EPHA7: variants seen among roughly 807,000 people sequenced by gnomAD.
The protein encoded by EPHA7 is EPH receptor A7.
A neutral mutation model predicts 112.6 loss-of-function variants in EPHA7; 25 were observed. The observed-to-expected ratio is 0.22, with a 90% CI of 0.16 to 0.31. The LOEUF is 0.31. Ranked by LOEUF, EPHA7 falls within the 10% of genes least tolerant of loss-of-function variation. EPHA7 has a pLI of 1.00. For missense variants in EPHA7, 962 were observed against 1,212.6 expected, an observed-to-expected ratio of 0.79 and a Z score of 3.07; for synonymous variants, 437 against 406.5, an observed-to-expected ratio of 1.07 and a Z score of -0.90.
Position 93,254,791 on chromosome 6 carries a change from T to C in EPHA7, c.2388A>G (p.Gly796=). The part of the protein sequence containing the change: ...DPEAVYTTTG[G]KIPVRWTAPE... ...GTGCTGTCCACCTTACTGGAATTTT[T>C]CCACCCTGTTATAAAAAGAAATGAA... is the stretch of plus-strand genomic sequence containing the variant. The change falls in exon 14 of 17, where the codon GGA becomes GGG. Residue 796 remains glycine, a synonymous_variant. Transcript: ENST00000369303. 6.2e-7 allele frequency: 1 copy of C among 1,610,554 alleles called. No homozygotes were observed. The highest frequency in any genetic ancestry group is 1.3e-5 in the African/African-American group (1 of 74,904).
At chr6:93,295,691 T>C (rs867761168) in intron 5 of EPHA7, among the ~76,000 whole-genome samples, 10 of 151,844 alleles carry the variant, frequency 6.6e-5, no homozygotes, top group Non-Finnish European at 1.3e-4. Flanking sequence ...TTATTTATTT[T>C]CCCTACATAA....
At chr6:93,285,739 T>C (rs554847890) in intron 5 of EPHA7, among the ~76,000 whole-genome samples, 21 of 152,296 alleles carry the variant, frequency 1.4e-4, no homozygotes, top group Non-Finnish European at 1.8e-4. Context: ...TTGCCACATA[T>C]GAAGTTCCGG....
At chr6:93,366,480 T>C (rs1776516363) in intron 3 of EPHA7, among the ~76,000 whole-genome samples, 1 of 152,242 alleles carries the variant, frequency 6.6e-6, no homozygotes, top group African/African-American at 2.4e-5. Context: ...ATTGTTTTAA[T>C]TGAAATGCTG....
chr6:93,283,408 C>T (rs1771874615), intron 5 of EPHA7, among the ~76,000 whole-genome samples: 2 of 152,092 alleles, frequency 1.3e-5, no homozygotes, highest in Admixed American at 1.3e-4. Context: ...TGGCAATCCT[C>T]TCAGGTCCCC....
At chr6:93,278,123 G>A (rs1438664073) in intron 5 of EPHA7, among the ~76,000 whole-genome samples, 1 of 151,916 alleles carries the variant, frequency 6.6e-6, no homozygotes, top group African/African-American at 2.4e-5. Flanking sequence ...GAAACCAATT[G>A]TTTGGACATT....
intron 3 of EPHA7, among the ~76,000 whole-genome samples, chr6:93,408,992 T>G (rs1272202978): frequency 6.6e-6 from 1 of 151,286 alleles, no homozygotes; most frequent in Non-Finnish European, 1.5e-5. Context: ...TTTTTTTTCT[T>G]GCAGTACAGC....
chr6:93,398,349 C>T (rs1778278893), intron 3 of EPHA7, among the ~76,000 whole-genome samples: 1 of 151,834 alleles, frequency 6.6e-6, no homozygotes, highest in Non-Finnish European at 1.5e-5. Flanking sequence ...TACAAGTCAC[C>T]GTCCAAATGT....
intron 5 of EPHA7, among the ~76,000 whole-genome samples, chr6:93,293,120 G>T (rs1387251573): frequency 6.6e-6 from 1 of 151,512 alleles, no homozygotes; most frequent in Non-Finnish European, 1.5e-5. Flanking sequence ...ACACATTTAA[G>T]AATTAGATTA....
At chr6:93,330,103 T>C (rs1203630670) in intron 5 of EPHA7, among the ~76,000 whole-genome samples, 1 of 151,344 alleles carries the variant, frequency 6.6e-6, no homozygotes, top group Non-Finnish European at 1.5e-5. Context: ...AGCAATTAAA[T>C]TGTTTTCAAA....
intron 5 of EPHA7, among the ~76,000 whole-genome samples, chr6:93,310,399 G>T (rs1218489571): frequency 6.6e-6 from 1 of 152,186 alleles, no homozygotes; most frequent in African/African-American, 2.4e-5. Context: ...GGGTGCGGTG[G>T]CTCACGCCTG....
At position 93,391,798 on chromosome 6, in the gene EPHA7, A is replaced by G. The variant is rs1446740336; in HGVS notation, c.832+18703T>C. Reference sequence around the variant, plus strand: ...ACAGGCAACAGAAAAAAAATACTCCACTTTCTAACCTATTGCTTCCGAATT... The same window carrying G: ...ACAGGCAACAGAAAAAAAATACTCCGCTTTCTAACCTATTGCTTCCGAATT... On this transcript the variant is annotated intron_variant, in intron 3 of 16. Coordinates refer to ENST00000369303, the MANE Select transcript of EPHA7 (RefSeq NM_004440.4). Among the ~76,000 whole-genome samples, 5 of 151,684 alleles carry G rather than the reference A, an allele frequency of 3.3e-5. No individual in the cohort carries two copies. The South Asian group carries it at 8.3e-4, about 25-fold the overall frequency.
chr6:93,402,600 G>A (rs1402180777), intron 3 of EPHA7, among the ~76,000 whole-genome samples: 3 of 151,980 alleles, frequency 2.0e-5, no homozygotes, highest in African/African-American at 7.2e-5. Context: ...GGTAATATGT[G>A]TAGGTATAAC....
chr6:93,353,038 C>CA (rs1775774124), intron 5 of EPHA7, among the ~76,000 whole-genome samples: 1 of 151,998 alleles, frequency 6.6e-6, no homozygotes, highest in South Asian at 2.1e-4. Flanking sequence ...ATTCCCATGA[C>CA]ACAAGTTTGC....
intron 13 of EPHA7, 143 bp downstream of exon 13, chr6:93,255,685 A>C (rs1170618864): frequency 1.5e-6 from 1 of 672,678 alleles, no homozygotes. Context: ...AAAAACAAAA[A>C]ACAAAAAACA....
chr6:93,335,830 T>A (rs1774841163), intron 5 of EPHA7, among the ~76,000 whole-genome samples: 1 of 152,146 alleles, frequency 6.6e-6, no homozygotes, highest in Admixed American at 6.6e-5. Flanking sequence ...GAAAATTTTC[T>A]ATTTAGAAAG....
chr6:93,289,461 T>C (rs186139421), intron 5 of EPHA7, among the ~76,000 whole-genome samples: 153 of 148,550 alleles, frequency 1.0e-3, no homozygotes, highest in African/African-American at 3.7e-3. Flanking sequence ...CTACTAAAAA[T>C]ACAAAAAAAA....
chr6:93,356,709 A>C lies in EPHA7; in HGVS notation c.1324+8T>G, dbSNP rs1278299708. On this transcript the variant is annotated splice_region_variant and intron_variant, in intron 5 of 16. Transcript: ENST00000369303. The stretch of plus-strand genomic sequence containing the variant: ...ATTTCATTCAGTGAAGATAAACACA[A>C]AACATACCTGCTTGACCAGTGGTGA... 6.3e-7 allele frequency: 1 copy of C among 1,599,632 alleles called. No individual in the cohort carries two copies. The highest frequency in any genetic ancestry group is 1.7e-5 in the Admixed American group (1 of 58,920).
intron 3 of EPHA7, among the ~76,000 whole-genome samples, chr6:93,393,908 G>A (rs2052636): frequency 0.12 from 18,228 of 151,676 alleles, 1,232 homozygotes; most frequent in East Asian, 0.31. Context: ...AAAATGCACA[G>A]CAAATTGTAT....
At chr6:93,293,604 T>A (rs1772497212) in intron 5 of EPHA7, among the ~76,000 whole-genome samples, 1 of 152,300 alleles carries the variant, frequency 6.6e-6, no homozygotes, top group South Asian at 2.1e-4. Flanking sequence ...TTTGAACTCA[T>A]GTTGAGTTGT....
Sources: gnomAD v4.1 joint callset for allele counts (sites outside exome capture counted in the v4.1 genomes callset) on GRCh38, gnomAD v4.1.1 for gene constraint, MANE v1.5 for transcripts, NCBI Gene and HGNC (gene_info 2026-07-23, HGNC 2026-07-21) for gene names.